The following RGS20 variants were observed in gnomAD, a reference collection of about 807,000 sequenced individuals.
The protein encoded by RGS20 is gz-selective GTPase-activating protein.
RGS20 carries 30 observed loss-of-function variants against 33.6 expected under a neutral mutation model. That is an observed-to-expected ratio of 0.89 (90% CI 0.67 to 1.21). The LOEUF is 1.21. Ranked by LOEUF, RGS20 falls within the 50% of genes most tolerant of loss-of-function variation. The pLI, the probability that RGS20 is intolerant of heterozygous loss-of-function variation, is 0.00. For synonymous variants in RGS20, 208 were observed against 197.9 expected (o/e 1.05, Z -0.43); for missense variants, 472 against 502.4 (o/e 0.94, Z 0.58).
At chr8:53,945,934 G>A (rs11783652) in intron 3 of RGS20, among the ~76,000 whole-genome samples, 56,643 of 151,382 alleles carry the variant, frequency 0.37, 11,233 homozygotes, top group East Asian at 0.72. Context: ...CCAGTTACAA[G>A]ATGAGATAAA....
Position 53,868,964 on chromosome 8 carries a change from G to A in RGS20, c.166-10294G>A, listed in dbSNP as rs1422655616. ...GAAGGGGTTTCACCATGTTGGCCAGGCTGGTCTTGAACTCCTGACCTCAGG... is the reference window on the plus strand; with the variant it reads ...GAAGGGGTTTCACCATGTTGGCCAGACTGGTCTTGAACTCCTGACCTCAGG... On this transcript the variant is annotated intron_variant, in intron 1 of 5. Transcript: ENST00000297313. Among the ~76,000 whole-genome samples, 4 of 152,176 alleles carry A rather than the reference G, an allele frequency of 2.6e-5. No homozygotes were observed. In the East Asian group the frequency reaches 7.7e-4, roughly 29 times the overall value.
chr8:53,860,186 G>A (rs191608255), intron 1 of RGS20, among the ~76,000 whole-genome samples: 49 of 152,230 alleles, frequency 3.2e-4, no homozygotes, highest in African/African-American at 1.1e-3. Flanking sequence ...ATGTTGAAAG[G>A]ATAATAGTTT....
chr8:53,852,556 A>G (rs890675886), intron 1 of RGS20, among the ~76,000 whole-genome samples: 1 of 152,212 alleles, frequency 6.6e-6, no homozygotes, highest in African/African-American at 2.4e-5. Flanking sequence ...GAATTTCCTA[A>G]GCATGAGTTT....
rs567299227 is a variant in RGS20, at chr8:53,953,047, C to T, written c.744-1029C>T. 3.3e-5 allele frequency among the ~76,000 whole-genome samples: 5 copies of T among 152,110 alleles called. No individual in the cohort carries two copies. In the South Asian group the frequency reaches 8.3e-4, roughly 25 times the overall value. On this transcript the variant is annotated intron_variant, in intron 4 of 5. Coordinates refer to ENST00000297313, the MANE Select transcript of RGS20 (RefSeq NM_170587.4). ...TAAGTGTTCATTTACACTAGAGACT[C>T]GGAAAGGTGGATGGGAGGGTGGGAG...
At chr8:53,867,344 A>C (rs1485175580) in intron 1 of RGS20, among the ~76,000 whole-genome samples, 4 of 152,124 alleles carry the variant, frequency 2.6e-5, no homozygotes, top group Non-Finnish European at 2.9e-5. Context: ...TGCTTCCACC[A>C]GCTCTTGGGA....
rs1214452734 is a variant in RGS20 at position 53,879,265 on chromosome 8, C to G, written c.173C>G (p.Pro58Arg). The stretch of plus-strand genomic sequence containing the variant: ...TCTCTCTCCCCACCCCAGTCCTTCC[C>G]GCCTGCACAGCTCCCAGACTCGCCC... The change falls in exon 2 of 6, where the codon CCG becomes CGG. Residue 58 changes from proline (P) to arginine (R), a missense_variant. This residue lies in a region of RGS20 where 319 missense variants were observed against 283.4 expected (regional missense o/e 1.13). Coordinates refer to ENST00000297313, the MANE Select transcript of RGS20 (RefSeq NM_170587.4). 6.2e-7 allele frequency: 1 copy of G among 1,613,730 alleles called. No individual in the cohort carries two copies. The highest frequency in any genetic ancestry group is 8.5e-7 in the Non-Finnish European group (1 of 1,179,914).
intron 2 of RGS20, among the ~76,000 whole-genome samples, chr8:53,882,643 C>CAAA (rs34390232): frequency 0.049 from 5,098 of 103,278 alleles, 344 homozygotes; most frequent in African/African-American, 0.16. Flanking sequence ...GACTCCGTCT[C>CAAA]AAAAAAAAAA....
intron 1 of RGS20, among the ~76,000 whole-genome samples, chr8:53,878,412 T>G (rs1812255926): frequency 6.6e-6 from 1 of 152,022 alleles, no homozygotes; most frequent in Non-Finnish European, 1.5e-5. Context: ...GTTTCTGACT[T>G]CTAAACTAGT....
Position 53,852,829 on chromosome 8 carries a change from C to T in RGS20, c.165+765C>T, listed in dbSNP as rs138265316. ...AGAAAATTCACCTGTTCTTTTGCCGCGGCTCATATCCTGATATCATTATTT... is the reference window on the plus strand; with the variant it reads ...AGAAAATTCACCTGTTCTTTTGCCGTGGCTCATATCCTGATATCATTATTT... On this transcript the variant is annotated intron_variant, in intron 1 of 5. Transcript: ENST00000297313. Among the ~76,000 whole-genome samples, 567 of 152,256 alleles carry T rather than the reference C, an allele frequency of 3.7e-3. 7 individuals carry two copies. Among genetic ancestry groups the T allele is most frequent in the African/African-American group, 0.011 (468 of 41,548 alleles).
At chr8:53,904,677 T>G (rs1219117222) in intron 2 of RGS20, among the ~76,000 whole-genome samples, 1 of 152,156 alleles carries the variant, frequency 6.6e-6, no homozygotes, top group Admixed American at 6.6e-5. Flanking sequence ...CTTTCAGAGG[T>G]GCCCTGGGCC....
chr8:53,912,318 C>T (rs1471423232), intron 2 of RGS20, among the ~76,000 whole-genome samples: 2 of 151,514 alleles, frequency 1.3e-5, no homozygotes, highest in Non-Finnish European at 2.9e-5. Flanking sequence ...AAGCCAATTT[C>T]CCCCAGTCCT....
intron 1 of RGS20, among the ~76,000 whole-genome samples, chr8:53,858,535 T>G (rs980476209): frequency 2.0e-5 from 3 of 152,068 alleles, no homozygotes; most frequent in African/African-American, 7.2e-5. Flanking sequence ...AAAACCTCTA[T>G]GTACACATAC....
chr8:53,953,820 G>A (rs1344313821), intron 4 of RGS20, among the ~76,000 whole-genome samples: 2 of 152,122 alleles, frequency 1.3e-5, no homozygotes, highest in African/African-American at 4.8e-5. Flanking sequence ...AAACAAGCAT[G>A]TTCTTAGCAT....
chr8:53,911,812 G>A (rs1563389979), intron 2 of RGS20, among the ~76,000 whole-genome samples: 1 of 152,112 alleles, frequency 6.6e-6, no homozygotes, highest in Non-Finnish European at 1.5e-5. Context: ...ATGGTGGTGT[G>A]TGCCGGTAAT....
intron 1 of RGS20, among the ~76,000 whole-genome samples, chr8:53,861,564 T>C (rs940775281): frequency 6.6e-6 from 1 of 152,252 alleles, no homozygotes; most frequent in Non-Finnish European, 1.5e-5. Context: ...CTGTAATAAA[T>C]CTGCTGTCTC....
intron 1 of RGS20, among the ~76,000 whole-genome samples, chr8:53,875,728 T>C (rs1316379389): frequency 7.2e-5 from 11 of 152,204 alleles, no homozygotes; most frequent in Non-Finnish European, 4.4e-5. Flanking sequence ...TAGGCATAAA[T>C]ACATTTTAAA....
In RGS20 at chr8:53,879,378, G is replaced by T; in HGVS notation, c.286G>T (p.Glu96Ter). ...TCACCTTCTCCGGCGACCCCCTCCC[G>T]AGGCTCCCCGGAGGCGCCTGGACTT... The change falls in exon 2 of 6, where the codon GAG becomes TAG. Residue 96 changes from glutamate to a stop codon, truncating the protein, a stop_gained. Coordinates refer to ENST00000297313, the MANE Select transcript of RGS20 (RefSeq NM_170587.4). LOFTEE classifies it high-confidence loss of function. The T allele has an allele frequency of 6.2e-7, 1 of 1,611,018 alleles. No individual in the cohort carries two copies.
intron 1 of RGS20, among the ~76,000 whole-genome samples, chr8:53,857,911 A>G (rs762922170): frequency 3.3e-5 from 5 of 152,218 alleles, no homozygotes; most frequent in Non-Finnish European, 7.3e-5. Context: ...AAAAAAAAAT[A>G]GATGAGATGA....
intron 1 of RGS20, among the ~76,000 whole-genome samples, chr8:53,866,737 T>A (rs1277274365): frequency 6.6e-6 from 1 of 151,952 alleles, no homozygotes; most frequent in Non-Finnish European, 1.5e-5. Flanking sequence ...TGGAGTGGGG[T>A]GGGCAGAGGC....
Sources: allele counts gnomAD v4.1 joint callset (sites outside exome capture counted in the v4.1 genomes callset), GRCh38; gene constraint gnomAD v4.1.1; regional missense constraint gnomAD v4.1.1; transcripts MANE v1.5; gene names NCBI Gene and HGNC (gene_info 2026-07-23, HGNC 2026-07-21).